KYAT3: variants seen among roughly 807,000 people sequenced by gnomAD.
The protein encoded by KYAT3 is kynurenine--oxoglutarate transaminase 3.
A neutral mutation model predicts 59.0 loss-of-function variants in KYAT3; 50 were observed. That is an observed-to-expected ratio of 0.85 (90% CI 0.68 to 1.07). The LOEUF is 1.07. KYAT3 is among the 50% of genes least tolerant of loss of function. The pLI is 0.00. For missense variants in KYAT3, 497 were observed against 533.3 expected, an observed-to-expected ratio of 0.93 and a Z score of 0.67; for synonymous variants, 148 against 177.0, an observed-to-expected ratio of 0.84 and a Z score of 1.30.
At chr1:88,947,778 T>C (rs1210560638) in intron 11 of KYAT3, among the ~76,000 whole-genome samples, 1 of 152,128 alleles carries the variant, frequency 6.6e-6, no homozygotes, top group East Asian at 1.9e-4. Context: ...AAGTAAAAAT[T>C]GCTAGCATCA....
At chr1:88,940,667 C>T (rs1675201585) in intron 13 of KYAT3, among the ~76,000 whole-genome samples, 1 of 152,196 alleles carries the variant, frequency 6.6e-6, no homozygotes, top group African/African-American at 2.4e-5. Flanking sequence ...CAGTTTAATA[C>T]ATCTCTTCCG....
intron 7 of KYAT3, 25 bp downstream of exon 7, chr1:88,961,355 TG>T: frequency 6.2e-7 from 1 of 1,613,454 alleles, no homozygotes; most frequent in Non-Finnish European, 8.5e-7. Flanking sequence ...GTCAGAAGAC[TG>T]TATAAGGAGA....
intron 13 of KYAT3, among the ~76,000 whole-genome samples, chr1:88,940,617 T>C (rs1675200012): frequency 6.6e-6 from 1 of 152,206 alleles, no homozygotes; most frequent in African/African-American, 2.4e-5. Context: ...GGAGTTCTTT[T>C]AGACCACAGT....
chr1:88,982,576 G>C, intron 2 of KYAT3: 1 of 1,507,838 alleles, frequency 6.6e-7, no homozygotes, highest in Non-Finnish European at 8.9e-7. Context: ...GTAGTCCTTG[G>C]GTAGTTATGA....
intron 4 of KYAT3, among the ~76,000 whole-genome samples, chr1:88,965,690 CCTT>C (rs1240778977): frequency 1.3e-5 from 2 of 152,090 alleles, no homozygotes; most frequent in Non-Finnish European, 2.9e-5. Flanking sequence ...CTTTCCCCCT[CCTT>C]GTTTTATTTG....
At chr1:88,965,942 A>G (rs1676332952) in intron 4 of KYAT3, among the ~76,000 whole-genome samples, 1 of 152,224 alleles carries the variant, frequency 6.6e-6, no homozygotes, top group Non-Finnish European at 1.5e-5. Context: ...TATAAACACT[A>G]TATACATTTC....
intron 8 of KYAT3, among the ~76,000 whole-genome samples, chr1:88,960,658 G>C (rs1268132223): frequency 6.6e-6 from 1 of 152,152 alleles, no homozygotes; most frequent in East Asian, 1.9e-4. Context: ...TTGCAGCCCA[G>C]TTTGTAATCC....
Position 88,943,496 on chromosome 1 carries a change from A to G in KYAT3, c.1142-73T>C, listed in dbSNP as rs1393728917. On this transcript the variant is annotated intron_variant, in intron 11 of 13. Transcript: ENST00000260508. ...AACATGTATTTCATTTAAGTCTATC[A>G]AGATTCAACATTTTCTCCTATTTAA... is the stretch of plus-strand genomic sequence containing the variant. 7.6e-6 allele frequency: 6 copies of G among 793,608 alleles called. No individual in the cohort carries two copies. The Admixed American group carries it at 1.5e-4, about 20-fold the overall frequency. The allele number at this position is 793,608 out of a possible 1,614,324, so 49.2% of individuals were successfully genotyped here. A position where few individuals can be genotyped will look rare whatever the true frequency, so the allele number is the denominator to read the frequency against.
chr1:88,962,005 C>A, intron 6 of KYAT3, 54 bp downstream of exon 6: 1 of 1,271,474 alleles, frequency 7.9e-7, no homozygotes, highest in South Asian at 1.2e-5. Context: ...TTGGTATTTT[C>A]AAGACTTCTT....
At chr1:88,980,235 T>G (rs1677014665) in intron 2 of KYAT3, 1 of 152,580 alleles carries the variant, frequency 6.6e-6, no homozygotes, top group South Asian at 2.1e-4. Flanking sequence ...GACAGTGGCT[T>G]CATGGCATAT....
At chr1:88,974,960 C>T (rs1311045020) in intron 2 of KYAT3, among the ~76,000 whole-genome samples, 1 of 152,256 alleles carries the variant, frequency 6.6e-6, no homozygotes, top group African/African-American at 2.4e-5. Flanking sequence ...GCCACGTGAG[C>T]CAGCAGGGGC....
intron 8 of KYAT3, among the ~76,000 whole-genome samples, chr1:88,959,833 T>C (rs1341157646): frequency 4.0e-5 from 6 of 151,544 alleles, no homozygotes; most frequent in African/African-American, 1.5e-4. Context: ...TAATATACTA[T>C]AGGAATAATT....
At chr1:88,975,983 G>A (rs999150825) in intron 2 of KYAT3, among the ~76,000 whole-genome samples, 4 of 151,984 alleles carry the variant, frequency 2.6e-5, no homozygotes, top group Non-Finnish European at 4.4e-5. Context: ...GCAGTGAGCC[G>A]GGATCATGCC....
At chr1:88,979,828 G>A (rs1676989385) in intron 2 of KYAT3, 2 of 152,154 alleles carry the variant, frequency 1.3e-5, no homozygotes, top group South Asian at 4.1e-4. Flanking sequence ...ATTTACCCAA[G>A]AGAAAGGAAA....
At chr1:88,970,887 T>C (rs1676531312) in intron 2 of KYAT3, among the ~76,000 whole-genome samples, 1 of 152,202 alleles carries the variant, frequency 6.6e-6, no homozygotes, top group Non-Finnish European at 1.5e-5. Context: ...TCTCATTCTA[T>C]TCTAAATAAT....
At chr1:88,943,235 G>T in intron 12 of KYAT3, 115 bp downstream of exon 12, 1 of 982,922 alleles carries the variant, frequency 1.0e-6, no homozygotes, top group Non-Finnish European at 1.6e-6. Context: ...AAAGCCACAA[G>T]TGGAGTATCA....
At chr1:88,959,836 G>C (rs543266401) in intron 8 of KYAT3, among the ~76,000 whole-genome samples, 1 of 151,248 alleles carries the variant, frequency 6.6e-6, no homozygotes, top group Admixed American at 6.6e-5. Flanking sequence ...TATACTATAG[G>C]AATAATTATG....
intron 2 of KYAT3, among the ~76,000 whole-genome samples, chr1:88,975,059 G>C (rs776378091): frequency 2.6e-5 from 4 of 152,102 alleles, no homozygotes; most frequent in Non-Finnish European, 4.4e-5. Context: ...CTTTGGGTCC[G>C]CACCACCTTT....
At chr1:88,986,202 G>C (rs1170443105) in intron 2 of KYAT3, among the ~76,000 whole-genome samples, 1 of 151,228 alleles carries the variant, frequency 6.6e-6, no homozygotes, top group African/African-American at 2.4e-5. Context: ...AAGAGAGAGA[G>C]AGAGAGACAG....
Sources: gnomAD v4.1 joint callset for allele counts (sites outside exome capture counted in the v4.1 genomes callset) on GRCh38, gnomAD v4.1.1 for gene constraint, MANE v1.5 for transcripts, NCBI Gene and HGNC (gene_info 2026-07-23, HGNC 2026-07-21) for gene names.